The following ANKS1B variants were observed in gnomAD, a reference collection of about 807,000 sequenced individuals.
ANKS1B encodes the protein ankyrin repeat and sterile alpha motif domain-containing protein 1B.
In ANKS1B, 36 loss-of-function variants were observed where a neutral mutation model predicts 148.3. That is an observed-to-expected ratio of 0.24 (90% CI 0.19 to 0.32). ANKS1B has a LOEUF of 0.32. Among genes scored for constraint, ANKS1B ranks in the 10% least tolerant of loss-of-function variants. The pLI is 1.00. For missense variants in ANKS1B, 1,157 were observed against 1,542.6 expected, an observed-to-expected ratio of 0.75 and a Z score of 4.19; for synonymous variants, 542 against 560.8, an observed-to-expected ratio of 0.97 and a Z score of 0.47.
At chr12:99,562,737 G>A (rs942883538) in intron 9 of ANKS1B, among the ~76,000 whole-genome samples, 1 of 152,172 alleles carries the variant, frequency 6.6e-6, no homozygotes, top group African/African-American at 2.4e-5. Flanking sequence ...ATCATGAGAA[G>A]AGTAGCATGG....
intron 17 of ANKS1B, among the ~76,000 whole-genome samples, chr12:99,007,496 A>G (rs17363922): frequency 0.16 from 23,733 of 152,138 alleles, 2,086 homozygotes; most frequent in South Asian, 0.3. Flanking sequence ...CAACTCTGCT[A>G]TGTCGAATCT....
intron 17 of ANKS1B, among the ~76,000 whole-genome samples, chr12:98,969,910 T>C (rs1011612210): frequency 1.5e-4 from 23 of 152,238 alleles, no homozygotes; most frequent in African/African-American, 5.5e-4. Context: ...GATGAGATTT[T>C]GGGAAAGAAC....
chr12:99,041,914 C>T (rs2099959272), intron 17 of ANKS1B, among the ~76,000 whole-genome samples: 1 of 152,010 alleles, frequency 6.6e-6, no homozygotes, highest in Admixed American at 6.6e-5. Context: ...GAAGGGAGCA[C>T]TGCCTGAGCC....
chr12:99,321,662 C>T (rs750024159), intron 12 of ANKS1B, among the ~76,000 whole-genome samples: 14 of 152,166 alleles, frequency 9.2e-5, no homozygotes, highest in African/African-American at 2.2e-4. Flanking sequence ...CTGGGTAAGG[C>T]GATGCCCCGC....
chr12:98,793,172 T>C (rs538172081), intron 22 of ANKS1B, among the ~76,000 whole-genome samples: 11 of 152,368 alleles, frequency 7.2e-5, no homozygotes, highest in Non-Finnish European at 1.6e-4. Context: ...TGGAGTAAGA[T>C]GTGGTTTTTG....
chr12:99,616,198 G>C (rs1264557216), intron 9 of ANKS1B, among the ~76,000 whole-genome samples: 1 of 152,148 alleles, frequency 6.6e-6, no homozygotes, highest in East Asian at 1.9e-4. Flanking sequence ...TCAATATCGT[G>C]AAAATAGCCA....
intron 10 of ANKS1B, among the ~76,000 whole-genome samples, chr12:99,467,904 C>T (rs2096157782): frequency 6.6e-6 from 1 of 152,132 alleles, no homozygotes; most frequent in South Asian, 2.1e-4. Context: ...CATCAAGCTA[C>T]CAATGACTTT....
chr12:98,761,876 T>C (rs1381793039), intron 25 of ANKS1B, among the ~76,000 whole-genome samples: 3 of 152,224 alleles, frequency 2.0e-5, no homozygotes, highest in African/African-American at 7.2e-5. Context: ...GCTGGGAGGC[T>C]GCTCTTTCTG....
chr12:98,751,040 T>A lies in ANKS1B; in HGVS notation c.3747+315A>T, dbSNP rs551160536. On this transcript the variant is annotated intron_variant, in intron 26 of 26. Transcript: ENST00000683438. The surrounding 1 kb of genome is among the most constrained non-coding windows in gnomAD (Gnocchi z 4.3). ...CAGCTGAAGCCCCAGGGAACACTGC[T>A]CCCAAGCTTTCCTGAATCTTTAGGT... Among the ~76,000 whole-genome samples the A allele has an allele frequency of 6.6e-6, 1 of 152,290 alleles. No homozygotes were observed. Among genetic ancestry groups the A allele is most frequent in the African/African-American group, 2.4e-5 (1 of 41,572 alleles).
At chr12:99,310,949 T>G (rs1327944038) in intron 12 of ANKS1B, among the ~76,000 whole-genome samples, 1 of 152,166 alleles carries the variant, frequency 6.6e-6, no homozygotes, top group Non-Finnish European at 1.5e-5. Context: ...TTCCTCACCT[T>G]TAAAACAGGG....
At position 99,261,039 on chromosome 12, in the gene ANKS1B, A is replaced by G. The variant is rs185159426; in HGVS notation, c.1757-14175T>C. Among the ~76,000 whole-genome samples, 177 of 152,316 alleles carry G rather than the reference A, an allele frequency of 1.2e-3. 1 individual carries two copies. Among genetic ancestry groups the G allele is most frequent in the African/African-American group, 4.1e-3 (170 of 41,572 alleles). ...ATGACAATTTCTACCTCTTTAACAC[A>G]GGAAGAGAAATATTAACCTAAAGTA... On this transcript the variant is annotated intron_variant, in intron 12 of 26. Coordinates refer to ENST00000683438, the MANE Select transcript of ANKS1B (RefSeq NM_001352186.2).
chr12:99,292,425 G>A (rs1461935384), intron 12 of ANKS1B, among the ~76,000 whole-genome samples: 2 of 151,494 alleles, frequency 1.3e-5, no homozygotes, highest in African/African-American at 4.8e-5. Context: ...AGGAGGCTGG[G>A]GCAGGAATGA....
rs60310562 is a variant in ANKS1B at position 99,849,884 on chromosome 12, T to A, written c.135-24495A>T. On this transcript the variant is annotated intron_variant, in intron 1 of 26. Coordinates refer to ENST00000683438, the MANE Select transcript of ANKS1B (RefSeq NM_001352186.2). ...GCAATATTCTATTTCTTAATTTGGATTCTGGATACATAGATGTAATGACTT... is the reference window on the plus strand; with the variant it reads ...GCAATATTCTATTTCTTAATTTGGAATCTGGATACATAGATGTAATGACTT... Among the ~76,000 whole-genome samples the A allele has an allele frequency of 1.7e-3, 253 of 152,236 alleles. 8 individuals are homozygous for A. In the East Asian group the frequency reaches 0.041, roughly 25 times the overall value.
chr12:99,222,325 C>G lies in ANKS1B; in HGVS notation c.2419+22017G>C, dbSNP rs540869740. The stretch of plus-strand genomic sequence containing the variant: ...ACTTTTATACTTTCTTACATTAAAA[C>G]TCTCTTGGCCAGGAGTGGTGGCTCA... On this transcript the variant is annotated intron_variant, in intron 14 of 26. Coordinates refer to ENST00000683438, the MANE Select transcript of ANKS1B (RefSeq NM_001352186.2). Among the ~76,000 whole-genome samples the G allele has an allele frequency of 2.6e-5, 4 of 152,224 alleles. No homozygotes were observed. The East Asian group carries it at 7.7e-4, about 29-fold the overall frequency.
intron 9 of ANKS1B, among the ~76,000 whole-genome samples, chr12:99,645,354 G>T (rs558882753): frequency 6.6e-6 from 1 of 152,126 alleles, no homozygotes; most frequent in Non-Finnish European, 1.5e-5. Flanking sequence ...GCAGTTATAC[G>T]AATAATATCT....
chr12:99,465,733 G>A (rs1264647363), intron 10 of ANKS1B, among the ~76,000 whole-genome samples: 1 of 152,168 alleles, frequency 6.6e-6, no homozygotes, highest in African/African-American at 2.4e-5. Context: ...AATTCAACAA[G>A]AAGAGCTAAC....
At chr12:98,930,988 G>A (rs552831526) in intron 17 of ANKS1B, among the ~76,000 whole-genome samples, 1 of 151,806 alleles carries the variant, frequency 6.6e-6, no homozygotes, top group Non-Finnish European at 1.5e-5. Flanking sequence ...CAATTCATAA[G>A]TTACCATGCT....
intron 1 of ANKS1B, among the ~76,000 whole-genome samples, chr12:99,938,126 G>A (rs768564371): frequency 1.3e-5 from 2 of 152,158 alleles, no homozygotes; most frequent in Non-Finnish European, 2.9e-5. Flanking sequence ...ACATGACTAT[G>A]TGATTATGTT....
intron 26 of ANKS1B, among the ~76,000 whole-genome samples, chr12:98,748,119 G>C (rs77778079): frequency 0.061 from 9,355 of 152,210 alleles, 338 homozygotes; most frequent in African/African-American, 0.11. Flanking sequence ...CAATACAAAA[G>C]AAAAATATTT....
Sources: allele counts gnomAD v4.1 joint callset (sites outside exome capture counted in the v4.1 genomes callset), GRCh38; gene constraint gnomAD v4.1.1; non-coding constraint Gnocchi (gnomAD v3.1); transcripts MANE v1.5; gene names NCBI Gene and HGNC (gene_info 2026-07-23, HGNC 2026-07-21).